Variants in PRKCZ observed in about 807,000 individuals in gnomAD.
PRKCZ encodes protein kinase C zeta, also known as protein kinase C zeta type.
A neutral mutation model predicts 79.5 loss-of-function variants in PRKCZ; 33 were observed. The observed-to-expected ratio is 0.41, with a 90% CI of 0.31 to 0.55. The LOEUF (loss-of-function observed/expected upper bound fraction) is 0.55, where lower values mean the gene tolerates loss of function less well. Among genes scored for constraint, PRKCZ ranks in the 20% least tolerant of loss-of-function variants. PRKCZ has a pLI of 0.19. For missense variants in PRKCZ, 578 were observed against 813.5 expected (o/e 0.71, Z 3.52); for synonymous variants, 342 against 320.9 (o/e 1.07, Z -0.70).
intron 1 of PRKCZ, among the ~76,000 whole-genome samples, chr1:2,052,589 C>T (rs950065508): frequency 6.6e-6 from 1 of 152,088 alleles, no homozygotes; most frequent in Non-Finnish European, 1.5e-5. Flanking sequence ...TCTCTCCCCT[C>T]CCAGGTCCTC....
chr1:2,071,257 G>A (rs1661556048), intron 4 of PRKCZ: 1 of 363,636 alleles, frequency 2.7e-6, no homozygotes, highest in South Asian at 2.0e-5. Flanking sequence ...CTGGAACATA[G>A]TAAGTGCTTA....
At chr1:2,057,080 C>T (rs1314283948) in intron 3 of PRKCZ, among the ~76,000 whole-genome samples, 4 of 152,174 alleles carry the variant, frequency 2.6e-5, no homozygotes, top group African/African-American at 4.8e-5. Flanking sequence ...ACAAAGAACC[C>T]GTAAACCACT....
intron 4 of PRKCZ, among the ~76,000 whole-genome samples, chr1:2,113,806 CAGGTGGGTGGT>C (rs1038362304): frequency 1.3e-5 from 2 of 151,910 alleles, no homozygotes; most frequent in African/African-American, 4.8e-5. Flanking sequence ...CCAGGGATGG[CAGGTGGGTGGT>C]GTGGCCAAGG....
At chr1:2,176,872 G>A (rs1393759293) in intron 16 of PRKCZ, among the ~76,000 whole-genome samples, 1 of 152,238 alleles carries the variant, frequency 6.6e-6, no homozygotes, top group Non-Finnish European at 1.5e-5. Flanking sequence ...CCCTTCCAGA[G>A]CCCAGCTGGG....
chr1:2,088,658 G>A (rs1664951356), intron 4 of PRKCZ, among the ~76,000 whole-genome samples: 1 of 152,128 alleles, frequency 6.6e-6, no homozygotes, highest in Non-Finnish European at 1.5e-5. Flanking sequence ...TCCTTTCTAG[G>A]TCAGGCTGTG....
intron 4 of PRKCZ, chr1:2,074,348 C>A: frequency 2.6e-6 from 4 of 1,537,580 alleles, no homozygotes; most frequent in Middle Eastern, 2.0e-4. Flanking sequence ...TTGGGGAAAT[C>A]GTCTTGGGCT....
intron 4 of PRKCZ, among the ~76,000 whole-genome samples, chr1:2,088,367 C>G (rs887522945): frequency 3.3e-5 from 5 of 152,200 alleles, no homozygotes; most frequent in Non-Finnish European, 7.3e-5. Flanking sequence ...GAGGCTGCCC[C>G]TTTCCATCGT....
Position 2,172,574 on chromosome 1 carries a change from C to T in PRKCZ, c.1285+186C>T, listed in dbSNP as rs140557260. Among the ~76,000 whole-genome samples the T allele has an allele frequency of 5.7e-3, 872 of 152,364 alleles. 5 individuals are homozygous for T. The highest frequency in any genetic ancestry group is 7.9e-3 in the Non-Finnish European group (537 of 68,040). Reference sequence around the variant, plus strand: ...TTGAATTCTGGAAAACCTCCCATGTCCACTTGAGCAGCTCCTTGGGGAGGG... The same window carrying T: ...TTGAATTCTGGAAAACCTCCCATGTTCACTTGAGCAGCTCCTTGGGGAGGG... On this transcript the variant is annotated intron_variant, in intron 13 of 17. Transcript: ENST00000378567. The surrounding 1 kb of genome is among the most constrained non-coding windows in gnomAD (Gnocchi z 7.8).
At chr1:2,099,791 A>G (rs1475448570) in intron 4 of PRKCZ, among the ~76,000 whole-genome samples, 4 of 152,168 alleles carry the variant, frequency 2.6e-5, no homozygotes, top group African/African-American at 9.7e-5. Flanking sequence ...GGTGTGACCT[A>G]TTTCCCGTTC....
At chr1:2,179,136 A>G (rs372067936) in intron 16 of PRKCZ, among the ~76,000 whole-genome samples, 1 of 152,200 alleles carries the variant, frequency 6.6e-6, no homozygotes, top group South Asian at 2.1e-4. Flanking sequence ...TTGCCCCTGC[A>G]CTGGGAGGTG....
intron 3 of PRKCZ, among the ~76,000 whole-genome samples, chr1:2,058,929 T>C (rs1268943142): frequency 6.6e-6 from 1 of 152,144 alleles, no homozygotes; most frequent in Non-Finnish European, 1.5e-5. Context: ...ATGTTTGTTT[T>C]TTTAAAGTTT....
At chr1:2,074,417 G>A in intron 4 of PRKCZ, 2 of 1,237,222 alleles carry the variant, frequency 1.6e-6, no homozygotes, top group Non-Finnish European at 2.3e-6. Context: ...TGTGGCCGAT[G>A]CTTTTTGGTT....
chr1:2,106,335 G>C (rs1189212637), intron 4 of PRKCZ, among the ~76,000 whole-genome samples: 1 of 152,248 alleles, frequency 6.6e-6, no homozygotes, highest in Non-Finnish European at 1.5e-5. Context: ...TACATAGTGA[G>C]GCCTCGTGCA....
rs1685903831 is a variant in PRKCZ, at chr1:2,178,432, CT to C, written c.1575+3120del. On this transcript the variant is annotated intron_variant, in intron 16 of 17. Coordinates refer to ENST00000378567, the MANE Select transcript of PRKCZ (RefSeq NM_002744.6). This position sits in a 1 kb window ranked among gnomAD's most constrained non-coding sequence, Gnocchi z 4.3. ...TGGAGACTGCACCTCTGCATCCGTC[CT>C]CAGTGGACATAGGGTGGCCTCCACT... Among the ~76,000 whole-genome samples, 1 of 152,256 alleles carries C rather than the reference CT, an allele frequency of 6.6e-6. No individual in the cohort carries two copies. The highest frequency in any genetic ancestry group is 2.4e-5 in the African/African-American group (1 of 41,466).
rs945387542 is a variant in PRKCZ, at chr1:2,148,819, A to T, written c.635-53A>T. 28 of 1,573,940 alleles carry T rather than the reference A, an allele frequency of 1.8e-5. No individual in the cohort carries two copies. In the African/African-American group the frequency reaches 3.2e-4, roughly 18 times the overall value. ...AGGTCCACAGGGTCGCTGTGTTCCC[A>T]GTGCGTTCCTGACCACACCGTAACG... On this transcript the variant is annotated intron_variant, in intron 7 of 17. Transcript: ENST00000378567.
intron 10 of PRKCZ, among the ~76,000 whole-genome samples, chr1:2,158,398 C>A (rs1186910352): frequency 1.3e-5 from 2 of 152,240 alleles, no homozygotes; most frequent in Admixed American, 6.5e-5. Context: ...GGCCCCAGTG[C>A]CCCATCGTGT....
rs923255733 is a variant in PRKCZ, at chr1:2,172,374, G to A, written c.1271G>A (p.Arg424Gln). 1.9e-6 allele frequency: 3 copies of A among 1,613,012 alleles called. No individual in the cohort carries two copies. The highest frequency in any genetic ancestry group is 1.3e-5 in the African/African-American group (1 of 75,040). Residue 424 changes from arginine to glutamine, a missense_variant, in exon 13 of 18, where the codon CGG becomes CAG. By Grantham distance (43) the Arg-to-Gln change is conservative. Transcript: ENST00000378567. This position sits in a 1 kb window ranked among gnomAD's most constrained non-coding sequence, Gnocchi z 7.8. ...AATTACATCGCCCCCGAAATCCTGC[G>A]GGGAGAGGAGTACGGTGAGTGCCGC... ...TPNYIAPEIL[R>Q]GEEYGFSVDW...
chr1:2,050,891 G>A (rs1199712424), intron 1 of PRKCZ, 190 bp downstream of exon 1: 2 of 392,980 alleles, frequency 5.1e-6, no homozygotes, highest in East Asian at 7.5e-5. Flanking sequence ...TGGACAGCGC[G>A]GGCTCCTTCC....
chr1:2,110,663 G>A (rs113180583), intron 4 of PRKCZ, among the ~76,000 whole-genome samples: 1 of 146,578 alleles, frequency 6.8e-6, no homozygotes, highest in Non-Finnish European at 1.5e-5. Context: ...CTGGCCCAGG[G>A]AATGGGGGTT....
Sources: gnomAD v4.1 joint callset for allele counts (sites outside exome capture counted in the v4.1 genomes callset) on GRCh38, gnomAD v4.1.1 for gene constraint, Gnocchi (gnomAD v3.1) non-coding constraint, MANE v1.5 for transcripts, NCBI Gene and HGNC (gene_info 2026-07-23, HGNC 2026-07-21) for gene names.